CYP2C19: variants seen among roughly 807,000 people sequenced by gnomAD.
The protein encoded by CYP2C19 is cytochrome P450 family 2 subfamily C member 19, also known as cytochrome P450 2C19.
In CYP2C19, 59 loss-of-function variants were observed where a neutral mutation model predicts 40.9. The observed-to-expected ratio is 1.44, with a 90% CI of 1.17 to 1.79. The LOEUF (loss-of-function observed/expected upper bound fraction) is 1.79, where lower values mean the gene tolerates loss of function less well. Ranked by LOEUF, CYP2C19 falls within the 40% of genes most tolerant of loss-of-function variation. The probability of loss-of-function intolerance (pLI) is 0.00; values close to 1 mark genes in which losing one functional copy is unlikely to be tolerated. For missense variants in CYP2C19, 754 were observed against 596.9 expected, an observed-to-expected ratio of 1.26 and a Z score of -2.74; for synonymous variants, 253 against 208.7, an observed-to-expected ratio of 1.21 and a Z score of -1.83.
chr10:94,853,066 A>G lies in CYP2C19; in HGVS notation c.*152A>G. 2 of 792,680 alleles carry G rather than the reference A, an allele frequency of 2.5e-6. No homozygotes were observed. Among genetic ancestry groups the G allele is most frequent in the Non-Finnish European group, 3.9e-6 (2 of 506,822 alleles). 49.1% of individuals were successfully genotyped at this position (792,680 alleles called of 1,614,324 possible). A position where few individuals can be genotyped will look rare whatever the true frequency, so the allele number is the denominator to read the frequency against. ...GTGAACATTCAGCCTCCATTAAAAAAGTTTCACTGTGCAAATATATCTGCT... is the reference window on the plus strand; with the variant it reads ...GTGAACATTCAGCCTCCATTAAAAAGGTTTCACTGTGCAAATATATCTGCT... On this transcript the variant is annotated 3_prime_UTR_variant, in exon 9 of 9. Transcript: ENST00000371321.
chr10:94,810,399 T>G (rs1655217889), intron 5 of CYP2C19, among the ~76,000 whole-genome samples: 1 of 152,200 alleles, frequency 6.6e-6, no homozygotes, highest in Non-Finnish European at 1.5e-5. Context: ...TCTTCCCTTA[T>G]AAAATGAGTT....
chr10:94,853,721 T>A lies in CYP2C19; in HGVS notation c.*807T>A, dbSNP rs1435200460. Reference sequence around the variant, plus strand: ...CCACCATGCCTGGCTAATTTTTTTGTATTTTTAGTACAGACAGGGTTTCAC... The same window carrying A: ...CCACCATGCCTGGCTAATTTTTTTGAATTTTTAGTACAGACAGGGTTTCAC... On this transcript the variant is annotated 3_prime_UTR_variant, in exon 9 of 9. Transcript: ENST00000371321. Among the ~76,000 whole-genome samples, 2 of 151,954 alleles carry A rather than the reference T, an allele frequency of 1.3e-5. No homozygotes were observed. The highest frequency in any genetic ancestry group is 2.9e-5 in the Non-Finnish European group (2 of 67,992).
chr10:94,812,994 T>A (rs1215161677), intron 5 of CYP2C19, among the ~76,000 whole-genome samples: 1 of 151,588 alleles, frequency 6.6e-6, no homozygotes, highest in Non-Finnish European at 1.5e-5. Context: ...TTTTCTCATA[T>A]TTGTGGATTT....
intron 5 of CYP2C19, among the ~76,000 whole-genome samples, chr10:94,809,696 G>C (rs7091883): frequency 0.2 from 30,470 of 151,952 alleles, 3,236 homozygotes; most frequent in Middle Eastern, 0.23. Flanking sequence ...AATTTTGGCT[G>C]TGGTTTGTCA....
intron 5 of CYP2C19, among the ~76,000 whole-genome samples, chr10:94,816,667 C>T (rs1457764779): frequency 4.7e-5 from 7 of 150,262 alleles, no homozygotes; most frequent in Non-Finnish European, 8.9e-5. Context: ...CATCCTGGTG[C>T]GCTGCACCCA....
At chr10:94,763,508 A>G (rs1848201157) in intron 1 of CYP2C19, among the ~76,000 whole-genome samples, 1 of 152,098 alleles carries the variant, frequency 6.6e-6, no homozygotes, top group Non-Finnish European at 1.5e-5. Context: ...TTCTTGAGTA[A>G]AAGATGTTTT....
chr10:94,802,047 T>C (rs1012862513), intron 5 of CYP2C19, among the ~76,000 whole-genome samples: 2 of 152,174 alleles, frequency 1.3e-5, no homozygotes, highest in African/African-American at 4.8e-5. Flanking sequence ...TTTTATTCCC[T>C]TATTTGTCCC....
chr10:94,847,938 T>G (rs1849597235), intron 7 of CYP2C19, among the ~76,000 whole-genome samples: 1 of 152,238 alleles, frequency 6.6e-6, no homozygotes, highest in Non-Finnish European at 1.5e-5. Context: ...GTTTTTTTCT[T>G]GTAAATTTGT....
intron 5 of CYP2C19, among the ~76,000 whole-genome samples, chr10:94,800,422 A>G (rs1309885821): frequency 6.6e-6 from 1 of 152,168 alleles, no homozygotes; most frequent in Non-Finnish European, 1.5e-5. Flanking sequence ...ACCCACGTGT[A>G]TGAGGTGTCT....
At chr10:94,844,403 C>T (rs1849542455) in intron 7 of CYP2C19, among the ~76,000 whole-genome samples, 1 of 152,128 alleles carries the variant, frequency 6.6e-6, no homozygotes, top group African/African-American at 2.4e-5. Context: ...GTTAGCTTAG[C>T]TCTCTGAGGT....
intron 6 of CYP2C19, among the ~76,000 whole-genome samples, chr10:94,840,288 G>GTC (rs950657680): frequency 1.4e-5 from 2 of 142,956 alleles, no homozygotes; most frequent in African/African-American, 5.2e-5. Flanking sequence ...CTCCCTCTTT[G>GTC]TCTCTCTCTC....
At chr10:94,816,738 C>A (rs1172121334) in intron 5 of CYP2C19, among the ~76,000 whole-genome samples, 1 of 131,934 alleles carries the variant, frequency 7.6e-6, no homozygotes, top group Non-Finnish European at 1.6e-5. Context: ...CTCCCCCCAC[C>A]CCACATCAGT....
At chr10:94,823,627 G>GA (rs1457940658) in intron 6 of CYP2C19, among the ~76,000 whole-genome samples, 1 of 152,088 alleles carries the variant, frequency 6.6e-6, no homozygotes, top group Non-Finnish European at 1.5e-5. Flanking sequence ...GAATTAAAGG[G>GA]AAAATCACAA....
chr10:94,773,669 G>C (rs898994195), intron 1 of CYP2C19, among the ~76,000 whole-genome samples: 1 of 152,160 alleles, frequency 6.6e-6, no homozygotes, highest in African/African-American at 2.4e-5. Flanking sequence ...GGCATATCTG[G>C]AGTTGTTCGT....
intron 5 of CYP2C19, among the ~76,000 whole-genome samples, chr10:94,791,875 A>G (rs1027601404): frequency 6.6e-6 from 1 of 152,154 alleles, no homozygotes; most frequent in African/African-American, 2.4e-5. Flanking sequence ...GTAGATGTCT[A>G]TTAGGTCCAC....
chr10:94,764,328 G>A (rs1339385266), intron 1 of CYP2C19, among the ~76,000 whole-genome samples: 1 of 152,158 alleles, frequency 6.6e-6, no homozygotes, highest in Non-Finnish European at 1.5e-5. Flanking sequence ...TTTTTACAGA[G>A]TGCTGATTGG....
intron 7 of CYP2C19, among the ~76,000 whole-genome samples, chr10:94,848,195 ATTTTTATGG>A (rs1392582999): frequency 6.6e-6 from 1 of 151,974 alleles, no homozygotes; most frequent in Non-Finnish European, 1.5e-5. Context: ...TTCTTCTAGG[ATTTTTATGG>A]TTTTAGGTCT....
intron 5 of CYP2C19, among the ~76,000 whole-genome samples, chr10:94,803,816 C>A (rs1476825402): frequency 1.3e-5 from 2 of 152,140 alleles, no homozygotes; most frequent in Non-Finnish European, 2.9e-5. Context: ...CCCCTGCGGC[C>A]AGATCTCTGT....
At chr10:94,852,656 C>T in intron 8 of CYP2C19, 77 bp from the exon 9 acceptor site, 4 of 1,492,536 alleles carry the variant, frequency 2.7e-6, no homozygotes, top group East Asian at 2.3e-5. Flanking sequence ...TCTGTCTGTG[C>T]CAGTTATAGA....
Sources: gnomAD v4.1 joint callset for allele counts (sites outside exome capture counted in the v4.1 genomes callset) on GRCh38, gnomAD v4.1.1 for gene constraint, MANE v1.5 for transcripts, NCBI Gene and HGNC (gene_info 2026-07-23, HGNC 2026-07-21) for gene names.